Variants in PCSK2 observed in about 807,000 individuals in gnomAD.
PCSK2 encodes the protein neuroendocrine convertase 2.
Under a neutral mutation model 69.7 loss-of-function variants are expected in PCSK2, and 14 were observed. That is an observed-to-expected ratio of 0.20 (90% CI 0.13 to 0.31). The LOEUF (loss-of-function observed/expected upper bound fraction) is 0.31, where lower values mean the gene tolerates loss of function less well. Among genes scored for constraint, PCSK2 ranks in the 10% least tolerant of loss-of-function variants. The pLI, the probability that PCSK2 is intolerant of heterozygous loss-of-function variation, is 1.00. For synonymous variants in PCSK2, 307 were observed against 320.7 expected (o/e 0.96, Z 0.46); for missense variants, 544 against 842.5 (o/e 0.65, Z 4.39).
At chr20:17,415,610 G>A (rs1012763765) in intron 6 of PCSK2, among the ~76,000 whole-genome samples, 5 of 152,162 alleles carry the variant, frequency 3.3e-5, no homozygotes, top group African/African-American at 1.2e-4. Context: ...TACTGCCCAA[G>A]GTAATTTGTA....
chr20:17,235,315 A>G (rs1422191758), intron 1 of PCSK2, among the ~76,000 whole-genome samples: 3 of 152,152 alleles, frequency 2.0e-5, no homozygotes, highest in Non-Finnish European at 4.4e-5. Flanking sequence ...CAGTTTCTCC[A>G]TTAGAAAATT....
At chr20:17,414,811 G>A (rs2031961408) in intron 6 of PCSK2, among the ~76,000 whole-genome samples, 1 of 152,172 alleles carries the variant, frequency 6.6e-6, no homozygotes, top group African/African-American at 2.4e-5. Context: ...ACCAAATCCA[G>A]CAGCACATCA....
chr20:17,476,973 A>T (rs1175147842), intron 11 of PCSK2, among the ~76,000 whole-genome samples: 1 of 152,222 alleles, frequency 6.6e-6, no homozygotes, highest in Non-Finnish European at 1.5e-5. Context: ...TGGACACTCC[A>T]TACATGATTC....
chr20:17,356,782 G>A (rs1449063376), intron 2 of PCSK2, among the ~76,000 whole-genome samples: 2 of 152,166 alleles, frequency 1.3e-5, no homozygotes, highest in Non-Finnish European at 2.9e-5. Flanking sequence ...TTTACTAGAA[G>A]AGCCTGGTGA....
At chr20:17,341,061 G>A (rs1314206155) in intron 2 of PCSK2, among the ~76,000 whole-genome samples, 6 of 152,084 alleles carry the variant, frequency 3.9e-5, no homozygotes, top group Non-Finnish European at 8.8e-5. Context: ...GAGCAGCCTG[G>A]CCAAAATGTC....
intron 5 of PCSK2, among the ~76,000 whole-genome samples, chr20:17,385,883 C>G (rs781584234): frequency 6.6e-6 from 1 of 152,198 alleles, no homozygotes; most frequent in Non-Finnish European, 1.5e-5. Context: ...AACACACCAA[C>G]TCTTATCCAT....
intron 5 of PCSK2, among the ~76,000 whole-genome samples, chr20:17,393,629 G>A (rs997347245): frequency 4.0e-5 from 6 of 151,218 alleles, no homozygotes; most frequent in Non-Finnish European, 5.9e-5. Flanking sequence ...CATTCTGTTG[G>A]GACTAAAGAT....
chr20:17,394,077 C>T (rs557054286), intron 5 of PCSK2, among the ~76,000 whole-genome samples: 106 of 152,248 alleles, frequency 7.0e-4, no homozygotes, highest in Admixed American at 2.2e-3. Flanking sequence ...ACAGGAGGAT[C>T]GCTTGAGCCC....
intron 5 of PCSK2, among the ~76,000 whole-genome samples, chr20:17,392,969 C>G (rs1778683424): frequency 6.6e-6 from 1 of 152,130 alleles, no homozygotes; most frequent in Non-Finnish European, 1.5e-5. Context: ...TCTTTAATGT[C>G]TAGAAAATGT....
At chr20:17,255,372 C>T (rs532902683) in intron 1 of PCSK2, among the ~76,000 whole-genome samples, 158 of 150,566 alleles carry the variant, frequency 1.0e-3, no homozygotes, top group African/African-American at 3.6e-3. Flanking sequence ...GACGGAGTCT[C>T]GCTCTGTTGT....
chr20:17,262,005 G>T (rs570020427), intron 2 of PCSK2, among the ~76,000 whole-genome samples: 1 of 152,334 alleles, frequency 6.6e-6, no homozygotes, highest in Non-Finnish European at 1.5e-5. Flanking sequence ...GAACTCAAAA[G>T]TCCCTGTTTG....
rs762869686 is a variant in PCSK2 at position 17,465,406 on chromosome 20, A to G, written c.1283A>G (p.Gln428Arg). The change falls in exon 11 of 12, where the codon CAG (glutamine) becomes CGG (arginine). Residue 428 changes from glutamine (Q) to arginine (R), a missense_variant. Gln to Arg is a conservative substitution (Grantham distance 43). This residue lies in a region of PCSK2 where 200 missense variants were observed against 287.8 expected (regional missense o/e 0.69). Transcript: ENST00000262545. ...AACCAGCTTCACGACGAGGTCCATC[A>G]GTGGCGGCGCAATGGGGTCGGCCTG... ...KRNQLHDEVH[Q>R]WRRNGVGLEF... is the part of the protein sequence containing the mutation. 6.2e-7 allele frequency: 1 copy of G among 1,614,124 alleles called. No individual in the cohort carries two copies. Among genetic ancestry groups the G allele is most frequent in the Admixed American group, 1.7e-5 (1 of 60,016 alleles).
At chr20:17,432,892 G>A (rs2032397685) in intron 7 of PCSK2, among the ~76,000 whole-genome samples, 1 of 152,120 alleles carries the variant, frequency 6.6e-6, no homozygotes, top group African/African-American at 2.4e-5. Flanking sequence ...AGTCTAGGAG[G>A]AGAAAAAGAC....
chr20:17,454,935 C>T (rs1041596520), intron 9 of PCSK2, among the ~76,000 whole-genome samples: 9 of 152,210 alleles, frequency 5.9e-5, no homozygotes, highest in African/African-American at 1.7e-4. Flanking sequence ...CCTTAAAAGC[C>T]TGTCCTTCCC....
At chr20:17,348,004 GAAAGAA>G (rs1568612572) in intron 2 of PCSK2, among the ~76,000 whole-genome samples, 1 of 115,950 alleles carries the variant, frequency 8.6e-6, no homozygotes, top group Non-Finnish European at 1.8e-5. Flanking sequence ...AAAAGAGAAA[GAAAGAA>G]AGAGAGAAAA....
chr20:17,261,475 C>G (rs1168540015), intron 2 of PCSK2, among the ~76,000 whole-genome samples: 1 of 152,170 alleles, frequency 6.6e-6, no homozygotes, highest in African/African-American at 2.4e-5. Flanking sequence ...TTTAACTTCT[C>G]AAGAGTTCCC....
In PCSK2 at chr20:17,273,063, C is replaced by T. The variant is rs181390693; in HGVS notation, c.282+12719C>T. Among the ~76,000 whole-genome samples, 77 of 152,212 alleles carry T rather than the reference C, an allele frequency of 5.1e-4. 1 individual carries two copies. The highest frequency in any genetic ancestry group is 1.0e-3 in the South Asian group (5 of 4,826). On this transcript the variant is annotated intron_variant, in intron 2 of 11. Coordinates refer to ENST00000262545, the MANE Select transcript of PCSK2 (RefSeq NM_002594.5). ...GAAATTTTAATCAGAGAGCCAAAAT[C>T]AATGGGTAATTGTTAATTTCAAGGG... is the stretch of plus-strand genomic sequence containing the variant.
intron 6 of PCSK2, among the ~76,000 whole-genome samples, chr20:17,416,821 A>G (rs1367035162): frequency 2.0e-5 from 3 of 152,242 alleles, no homozygotes; most frequent in African/African-American, 7.2e-5. Flanking sequence ...GCACATATAC[A>G]TCACAGAATA....
chr20:17,422,129 G>C (rs62201050), intron 6 of PCSK2, among the ~76,000 whole-genome samples: 12,966 of 152,172 alleles, frequency 0.085, 632 homozygotes, highest in Middle Eastern at 0.22. Flanking sequence ...AATACAGCCT[G>C]TGGAATAAAA....
Sources: allele counts gnomAD v4.1 joint callset (sites outside exome capture counted in the v4.1 genomes callset), GRCh38; gene constraint gnomAD v4.1.1; regional missense constraint gnomAD v4.1.1; transcripts MANE v1.5; gene names NCBI Gene and HGNC (gene_info 2026-07-23, HGNC 2026-07-21).